The following TMEM272 variants were observed in gnomAD, a reference collection of about 807,000 sequenced individuals.
TMEM272 encodes transmembrane protein 272.
Under a neutral mutation model 3.7 loss-of-function variants are expected in TMEM272, and 8 were observed. That is an observed-to-expected ratio of 2.17 (90% CI 1.27 to 3.91). TMEM272 has a LOEUF of 3.91. TMEM272 is among the 30% of genes most tolerant of loss of function. The pLI, the probability that TMEM272 is intolerant of heterozygous loss-of-function variation, is 0.00. For synonymous variants in TMEM272, 63 were observed against 39.8 expected (o/e 1.58, Z -2.20); for missense variants, 166 against 91.5 (o/e 1.81, Z -3.32).
chr13:51,856,854 A>G, the TMEM272 span, among the ~76,000 whole-genome samples: 1 of 152,232 alleles, frequency 6.6e-6, no homozygotes, highest in East Asian at 1.9e-4. Flanking sequence ...CTGAAAGAAA[A>G]TAACAACTAA....
the TMEM272 span, among the ~76,000 whole-genome samples, chr13:51,895,011 T>C: frequency 6.6e-6 from 1 of 152,070 alleles, no homozygotes; most frequent in African/African-American, 2.4e-5. Context: ...ATAGGGTTCA[T>C]GCTCCTATGA....
intron 1 of TMEM272, among the ~76,000 whole-genome samples, chr13:51,841,419 A>G (rs998658538): frequency 6.6e-6 from 1 of 152,192 alleles, no homozygotes; most frequent in African/African-American, 2.4e-5. Flanking sequence ...AGCGCCTACA[A>G]ACTAAGACAT....
At chr13:51,822,509 CT>C (rs1956088692) in intron 3 of TMEM272, among the ~76,000 whole-genome samples, 1 of 152,188 alleles carries the variant, frequency 6.6e-6, no homozygotes, top group Non-Finnish European at 1.5e-5. Flanking sequence ...ATACGGTTTT[CT>C]TGATATGCTT....
At chr13:51,819,338 TGTAA>T (rs1345844746) in intron 4 of TMEM272, among the ~76,000 whole-genome samples, 3 of 152,180 alleles carry the variant, frequency 2.0e-5, no homozygotes, top group Admixed American at 2.0e-4. Context: ...GTTTCCTCAC[TGTAA>T]GCTGGAACTG....
At chr13:51,883,303 GC>G in the TMEM272 span, among the ~76,000 whole-genome samples, 2 of 152,226 alleles carry the variant, frequency 1.3e-5, no homozygotes, top group African/African-American at 4.8e-5. Context: ...GTATGTTACA[GC>G]TTTTTTCCCA....
the TMEM272 span, among the ~76,000 whole-genome samples, chr13:51,914,230 T>C: frequency 4.6e-5 from 7 of 152,004 alleles, no homozygotes; most frequent in African/African-American, 1.4e-4. Flanking sequence ...ACATGCAGAG[T>C]TGGATCGTGT....
the TMEM272 span, among the ~76,000 whole-genome samples, chr13:51,908,037 A>C: frequency 1.3e-5 from 2 of 152,342 alleles, no homozygotes; most frequent in East Asian, 1.9e-4. Flanking sequence ...ATAAAATGGA[A>C]ATAATTTACT....
the TMEM272 span, among the ~76,000 whole-genome samples, chr13:51,927,762 CCAGTCCCTACTTGGGGATGCCCCAT>C: frequency 6.6e-6 from 1 of 152,198 alleles, no homozygotes; most frequent in Non-Finnish European, 1.5e-5. Context: ...TTTTACCTCT[CCAGTCCCTACTTGGGGATGCCCCAT>C]CAGTGCCATT....
At chr13:51,865,460 T>A in the TMEM272 span, 1 of 1,614,124 alleles carries the variant, frequency 6.2e-7, no homozygotes, top group Non-Finnish European at 8.5e-7. Context: ...CTGCTTCCGG[T>A]CCCTGGCGGC....
At chr13:51,837,387 T>C (rs1030020845) in intron 2 of TMEM272, among the ~76,000 whole-genome samples, 23 of 152,202 alleles carry the variant, frequency 1.5e-4, no homozygotes, top group Admixed American at 1.4e-3. Flanking sequence ...GTTTTCATCC[T>C]GCCAGAGCAT....
the TMEM272 span, among the ~76,000 whole-genome samples, chr13:51,873,761 C>T: frequency 2.0e-5 from 3 of 152,178 alleles, no homozygotes; most frequent in Non-Finnish European, 4.4e-5. Context: ...TTCCTGACCT[C>T]GCGATCCTTC....
At chr13:51,865,233 G>A in the TMEM272 span, 1 of 614,424 alleles carries the variant, frequency 1.6e-6, no homozygotes, top group African/African-American at 1.8e-5. Context: ...TGTGGACAAA[G>A]AGCAGTGATT....
At chr13:51,911,270 C>T in the TMEM272 span, among the ~76,000 whole-genome samples, 1 of 152,204 alleles carries the variant, frequency 6.6e-6, no homozygotes, top group African/African-American at 2.4e-5. Flanking sequence ...CCAGATGAGG[C>T]AGATTATGCT....
intron 4 of TMEM272, 93 bp downstream of exon 4, chr13:51,821,962 C>G (rs990889709): frequency 1.4e-6 from 1 of 698,752 alleles, no homozygotes; most frequent in African/African-American, 1.8e-5. Context: ...GTTTTGTCTC[C>G]CCTGTGAATA....
At chr13:51,883,513 G>A in the TMEM272 span, among the ~76,000 whole-genome samples, 2 of 152,200 alleles carry the variant, frequency 1.3e-5, no homozygotes, top group Non-Finnish European at 2.9e-5. Context: ...GCTGAGTCTG[G>A]GGTTTTTATG....
the TMEM272 span, among the ~76,000 whole-genome samples, chr13:51,880,590 C>A: frequency 6.6e-6 from 1 of 151,912 alleles, no homozygotes; most frequent in Non-Finnish European, 1.5e-5. Flanking sequence ...CCTTCCCACC[C>A]GTAGAAATTA....
chr13:51,826,771 G>C (rs576656538), intron 2 of TMEM272, 146 bp from the exon 3 acceptor site: 194 of 639,814 alleles, frequency 3.0e-4, no homozygotes, highest in Non-Finnish European at 5.7e-5. Context: ...GTCGCAGCTC[G>C]CCTGGGGCTC....
At chr13:51,870,109 C>T in the TMEM272 span, among the ~76,000 whole-genome samples, 103 of 152,256 alleles carry the variant, frequency 6.8e-4, no homozygotes, top group Non-Finnish European at 1.3e-3. Context: ...CTGTGAAAGT[C>T]GTTGATGCCA....
chr13:51,925,118 A>T, the TMEM272 span, among the ~76,000 whole-genome samples: 1 of 152,190 alleles, frequency 6.6e-6, no homozygotes, highest in South Asian at 2.1e-4. Flanking sequence ...ACTTAGAAGG[A>T]ATGCGCCACT....
Sources: gnomAD v4.1 joint callset for allele counts (sites outside exome capture counted in the v4.1 genomes callset) on GRCh38, gnomAD v4.1.1 for gene constraint, MANE v1.5 for transcripts, NCBI Gene and HGNC (gene_info 2026-07-23, HGNC 2026-07-21) for gene names.